CCT6B: variants seen among roughly 807,000 people sequenced by gnomAD.
CCT6B encodes chaperonin containing TCP1 subunit 6B, also known as probable T-complex protein 1 subunit zeta-2.
Under a neutral mutation model 61.5 loss-of-function variants are expected in CCT6B, and 49 were observed. The ratio of observed to expected loss-of-function variants is 0.80; its 90% CI spans 0.63 to 1.01. The LOEUF (loss-of-function observed/expected upper bound fraction) is 1.01. Among genes scored for constraint, CCT6B ranks in the 50% least tolerant of loss-of-function variants. The pLI is 0.00. For synonymous variants in CCT6B, 228 were observed against 214.5 expected, an observed-to-expected ratio of 1.06 and a Z score of -0.55; for missense variants, 666 against 634.7, an observed-to-expected ratio of 1.05 and a Z score of -0.53.
chr17:34,958,829 G>T, intron 2 of CCT6B, 135 bp from the exon 3 acceptor site: 1 of 575,820 alleles, frequency 1.7e-6, no homozygotes, highest in Non-Finnish European at 2.7e-6. Context: ...TACAAGTTTT[G>T]TATTATCAAT....
intron 11 of CCT6B, among the ~76,000 whole-genome samples, chr17:34,931,929 A>C (rs1171017220): frequency 1.9e-4 from 29 of 152,182 alleles, no homozygotes. Flanking sequence ...GATGATGACA[A>C]ATGTAAGGTT....
intron 5 of CCT6B, among the ~76,000 whole-genome samples, chr17:34,948,722 A>C (rs1276053675): frequency 6.6e-6 from 1 of 151,182 alleles, no homozygotes; most frequent in African/African-American, 2.4e-5. Flanking sequence ...CTAAAAAAAA[A>C]AAAAAAAACA....
At chr17:34,959,789 C>T in intron 1 of CCT6B, 139 bp from the exon 2 acceptor site, 1 of 592,252 alleles carries the variant, frequency 1.7e-6, no homozygotes, top group South Asian at 2.0e-5. Context: ...TAATTACCAC[C>T]ATTTGCAGCT....
At chr17:34,944,692 C>T (rs1223412046) in intron 5 of CCT6B, among the ~76,000 whole-genome samples, 1 of 152,174 alleles carries the variant, frequency 6.6e-6, no homozygotes, top group Non-Finnish European at 1.5e-5. Context: ...TTTGGGAGGC[C>T]GAGGCAGGCG....
At chr17:34,937,724 T>C (rs1457449735) in intron 10 of CCT6B, among the ~76,000 whole-genome samples, 2 of 152,090 alleles carry the variant, frequency 1.3e-5, no homozygotes, top group Non-Finnish European at 1.5e-5. Context: ...TTCATCAAAA[T>C]TAAGAACTTC....
intron 1 of CCT6B, among the ~76,000 whole-genome samples, chr17:34,960,336 T>C (rs565173479): frequency 2.0e-5 from 3 of 152,350 alleles, no homozygotes; most frequent in Non-Finnish European, 4.4e-5. Context: ...ATCTTCTGGT[T>C]CCCTTAATAT....
In CCT6B at chr17:34,942,507, C is replaced by T; in HGVS notation, c.862G>A (p.Gly288Arg). The T allele has an allele frequency of 6.3e-7, 1 of 1,590,958 alleles. No individual in the cohort carries two copies. Among genetic ancestry groups the T allele is most frequent in the Non-Finnish European group, 8.5e-7 (1 of 1,174,230 alleles). The change falls in exon 7 of 14, where the codon GGA (glycine) becomes AGA (arginine). Residue 288 changes from glycine (G) to arginine (R), a missense_variant. Gly to Arg is a moderately radical substitution (Grantham distance 125). Transcript: ENST00000314144. ...ACCTTTTGATTAATGACGACAAATC[C>T]TTTATTTGACTGAGCACAGACTTTG... is the stretch of plus-strand genomic sequence containing the variant. Reference protein sequence around the residue: ...KDKVCAQSNKGFVVINQKGID... With the variant: ...KDKVCAQSNKRFVVINQKGID...
Position 34,944,808 on chromosome 17 carries a change from C to A in CCT6B, c.615-1902G>T, listed in dbSNP as rs2090205464. Among the ~76,000 whole-genome samples the A allele has an allele frequency of 2.6e-5, 4 of 152,252 alleles. No homozygotes were observed. In the South Asian group the frequency reaches 8.3e-4, roughly 31 times the overall value. On this transcript the variant is annotated intron_variant, in intron 5 of 13. Coordinates refer to ENST00000314144, the MANE Select transcript of CCT6B (RefSeq NM_006584.4). ...GGGCCTGGTGGCAGGCACCTGTAGT[C>A]CCAGCTACTTGGGAGGCTGAGGCAG...
intron 5 of CCT6B, among the ~76,000 whole-genome samples, chr17:34,946,250 A>T (rs2090222380): frequency 6.6e-6 from 1 of 152,226 alleles, no homozygotes; most frequent in Admixed American, 6.5e-5. Context: ...CTAGGTCTCA[A>T]ATTATTTCTA....
rs1399282888 is a variant in CCT6B at position 34,931,011 on chromosome 17, A to C, written c.1388T>G (p.Leu463Ter). 1.9e-6 allele frequency: 3 copies of C among 1,602,894 alleles called. No individual in the cohort carries two copies. The highest frequency in any genetic ancestry group is 2.7e-5 in the African/African-American group (2 of 74,682). Reference protein sequence around the residue: ...QNAGYDPQETLVKVQAEHVES... With the variant: ...QNAGYDPQET The stretch of plus-strand genomic sequence containing the variant: ...GACATGCTCAGCCTGAACTTTTACT[A>C]ATGTTTCCTGTGGGTCATAACCAGC... The change falls in exon 12 of 14, where the codon TTA becomes TGA. Residue 463 changes from leucine (L) to a stop codon, truncating the protein, a stop_gained. Transcript: ENST00000314144. LOFTEE classifies it high-confidence loss of function.
At chr17:34,958,004 G>A (rs2090367216) in intron 3 of CCT6B, among the ~76,000 whole-genome samples, 1 of 151,894 alleles carries the variant, frequency 6.6e-6, no homozygotes, top group Non-Finnish European at 1.5e-5. Context: ...ATTACCCATG[G>A]ATACATGGGT....
rs898879882 is a variant in CCT6B, at chr17:34,937,280, T to TA, written c.1213+1902dup. On this transcript the variant is annotated intron_variant, in intron 10 of 13. Coordinates refer to ENST00000314144, the MANE Select transcript of CCT6B (RefSeq NM_006584.4). ...AAGACTTAGAATGACCAAAATAACT[T>TA]AAAAAAAAAATGAGAGTTAACAATA... Among the ~76,000 whole-genome samples the TA allele has an allele frequency of 2.2e-3, 322 of 148,312 alleles. 3 individuals are homozygous for TA. Among genetic ancestry groups the TA allele is most frequent in the African/African-American group, 7.6e-3 (307 of 40,526 alleles).
chr17:34,934,134 G>GAAAAAAAAAAAAAAAAAAAAAAAAA (rs1280861242), intron 10 of CCT6B, among the ~76,000 whole-genome samples: 1 of 75,824 alleles, frequency 1.3e-5, no homozygotes, highest in Non-Finnish European at 2.7e-5. Flanking sequence ...GTTTCAAAAA[G>GAAAAAAAAAAAAAAAAAAAAAAAAA]AAAAAAAAAA....
chr17:34,935,495 A>T (rs2090083679), intron 10 of CCT6B, among the ~76,000 whole-genome samples: 1 of 152,242 alleles, frequency 6.6e-6, no homozygotes, highest in South Asian at 2.1e-4. Context: ...ATTATAACTA[A>T]GTATGGTTTA....
At chr17:34,947,970 C>T (rs371440009) in intron 5 of CCT6B, among the ~76,000 whole-genome samples, 4 of 144,482 alleles carry the variant, frequency 2.8e-5, no homozygotes, top group Admixed American at 6.9e-5. Context: ...AGTGACACTC[C>T]GTCTCAAAAA....
At position 34,942,540 on chromosome 17, in the gene CCT6B, G is replaced by C. The variant is rs114947917; in HGVS notation, c.829C>G (p.Leu277Val). The change falls in exon 7 of 14, where the codon CTG becomes GTG. Residue 277 changes from leucine (L) to valine (V), a missense_variant. Physicochemically the swap from Leu to Val is conservative, Grantham distance 32 (BLOSUM62 1). Transcript: ENST00000314144. ...GACTGAGCACAGACTTTGTCCTTCA[G>C]GTCTATTATTTTTTGTACTCTATCT... Reference protein sequence around the residue: ...IEDRVQKIIDLKDKVCAQSNK... With the variant: ...IEDRVQKIIDVKDKVCAQSNK... 3.1e-6 allele frequency: 5 copies of C among 1,606,040 alleles called. No individual in the cohort carries two copies. Among genetic ancestry groups the C allele is most frequent in the Non-Finnish European group, 4.2e-6 (5 of 1,177,548 alleles).
In CCT6B at chr17:34,958,408, C is replaced by A. The variant is rs549048176; in HGVS notation, c.336+152G>T. On this transcript the variant is annotated intron_variant, in intron 3 of 13. Coordinates refer to ENST00000314144, the MANE Select transcript of CCT6B (RefSeq NM_006584.4). ...GCAGTGAGCCAAGATTCTGCCACTGCACTCCAGCCTGGGCGACACAGTGAG... is the reference window on the plus strand; with the variant it reads ...GCAGTGAGCCAAGATTCTGCCACTGAACTCCAGCCTGGGCGACACAGTGAG... The A allele has an allele frequency of 3.9e-3, 1,547 of 392,646 alleles. 12 individuals carry two copies. Among genetic ancestry groups the A allele is most frequent in the Middle Eastern group, 0.014 (19 of 1,394 alleles). The allele number at this position is 392,646 out of a possible 1,614,324, so 24.3% of individuals were successfully genotyped here.
At position 34,931,013 on chromosome 17, in the gene CCT6B, T is replaced by G; in HGVS notation, c.1386A>C (p.Thr462=). 2 of 1,602,736 alleles carry G rather than the reference T, an allele frequency of 1.2e-6. No homozygotes were observed. Among genetic ancestry groups the G allele is most frequent in the South Asian group, 1.1e-5 (1 of 89,890 alleles). ...AQNAGYDPQE[T]LVKVQAEHVE... ...CATGCTCAGCCTGAACTTTTACTAA[T>G]GTTTCCTGTGGGTCATAACCAGCAT... is the stretch of plus-strand genomic sequence containing the variant. The change falls in exon 12 of 14, where the codon ACA becomes ACC. Residue 462 remains threonine (T), a synonymous_variant. Transcript: ENST00000314144.
chr17:34,945,306 C>G (rs1266258789), intron 5 of CCT6B, among the ~76,000 whole-genome samples: 1 of 152,204 alleles, frequency 6.6e-6, no homozygotes, highest in Admixed American at 6.5e-5. Context: ...CGAGACACAT[C>G]TCTCCAAATT....
Sources: allele counts gnomAD v4.1 joint callset (sites outside exome capture counted in the v4.1 genomes callset), GRCh38; gene constraint gnomAD v4.1.1; transcripts MANE v1.5; gene names NCBI Gene and HGNC (gene_info 2026-07-23, HGNC 2026-07-21).